DTNB: variants seen among roughly 807,000 people sequenced by gnomAD.
DTNB encodes dystrobrevin beta.
DTNB carries 63 observed loss-of-function variants against 90.7 expected under a neutral mutation model. That is an observed-to-expected ratio of 0.69 (90% CI 0.57 to 0.86). The LOEUF (loss-of-function observed/expected upper bound fraction) is 0.86. Among genes scored for constraint, DTNB ranks in the 40% least tolerant of loss-of-function variants. The pLI is 0.00. For missense variants in DTNB, 744 were observed against 807.1 expected, an observed-to-expected ratio of 0.92 and a Z score of 0.95; for synonymous variants, 277 against 286.7, an observed-to-expected ratio of 0.97 and a Z score of 0.34.
At chr2:25,476,639 T>C (rs1421968046) in intron 10 of DTNB, among the ~76,000 whole-genome samples, 1 of 152,066 alleles carries the variant, frequency 6.6e-6, no homozygotes, top group Non-Finnish European at 1.5e-5. Context: ...GAAGATGTGG[T>C]AGAAAAAAAC....
chr2:25,575,751 T>C (rs1337002885), intron 8 of DTNB, among the ~76,000 whole-genome samples: 1 of 152,218 alleles, frequency 6.6e-6, no homozygotes, highest in African/African-American at 2.4e-5. Flanking sequence ...GATCCTGAAT[T>C]ATACTTCTGA....
At chr2:25,646,009 A>G (rs1162861030) in intron 2 of DTNB, among the ~76,000 whole-genome samples, 1 of 152,180 alleles carries the variant, frequency 6.6e-6, no homozygotes, top group Non-Finnish European at 1.5e-5. Flanking sequence ...ATGGAAATGT[A>G]AACCAAAAAT....
chr2:25,620,842 A>G (rs1434495461), intron 4 of DTNB, among the ~76,000 whole-genome samples: 2 of 152,268 alleles, frequency 1.3e-5, no homozygotes, highest in East Asian at 3.9e-4. Flanking sequence ...GTTCACACTG[A>G]GAAACAGCTC....
intron 9 of DTNB, among the ~76,000 whole-genome samples, chr2:25,502,880 T>TA (rs776792939): frequency 2.3e-3 from 181 of 79,468 alleles, no homozygotes; most frequent in South Asian, 9.3e-3. Context: ...AGCAACTGTC[T>TA]AAAAAAAAAA....
intron 12 of DTNB, among the ~76,000 whole-genome samples, chr2:25,445,938 T>TTTA (rs397757275): frequency 2.6e-5 from 4 of 151,400 alleles, no homozygotes; most frequent in African/African-American, 9.7e-5. Context: ...TTTTTTTTTT[T>TTTA]AATCTCTCTG....
intron 8 of DTNB, among the ~76,000 whole-genome samples, chr2:25,545,909 A>T (rs1203906468): frequency 6.6e-6 from 1 of 152,202 alleles, no homozygotes; most frequent in Non-Finnish European, 1.5e-5. Flanking sequence ...GGCATGAGCC[A>T]CCGTGCCCGG....
At position 25,401,124 on chromosome 2, in the gene DTNB, C is replaced by A. The variant is rs986385111; in HGVS notation, c.1576-12763G>T. Among the ~76,000 whole-genome samples the A allele has an allele frequency of 2.6e-5, 4 of 152,150 alleles. No homozygotes were observed. In the East Asian group the frequency reaches 7.7e-4, roughly 29 times the overall value. On this transcript the variant is annotated intron_variant, in intron 16 of 20. Coordinates refer to ENST00000406818, the MANE Select transcript of DTNB (RefSeq NM_021907.5). Reference sequence around the variant, plus strand: ...CACAAAATCAGTAGACAGGCTAGGACTGGTCCCTGGGTCTGCTAATTGCCT... The same window carrying A: ...CACAAAATCAGTAGACAGGCTAGGAATGGTCCCTGGGTCTGCTAATTGCCT...
At chr2:25,415,702 C>T (rs2047742247) in intron 16 of DTNB, among the ~76,000 whole-genome samples, 1 of 152,098 alleles carries the variant, frequency 6.6e-6, no homozygotes, top group Non-Finnish European at 1.5e-5. Context: ...ATCATGCATA[C>T]ATAATGGAAC....
At chr2:25,400,237 A>G (rs2043384147) in intron 16 of DTNB, among the ~76,000 whole-genome samples, 1 of 152,362 alleles carries the variant, frequency 6.6e-6, no homozygotes, top group Admixed American at 6.5e-5. Context: ...CATGCTGACA[A>G]TCACCTCTGA....
At chr2:25,388,965 G>A (rs1267117830) in intron 16 of DTNB, among the ~76,000 whole-genome samples, 1 of 152,100 alleles carries the variant, frequency 6.6e-6, no homozygotes, top group African/African-American at 2.4e-5. Flanking sequence ...TCCTGCTTCA[G>A]CCTCCCGAGT....
At chr2:25,478,494 T>C (rs142938578) in intron 10 of DTNB, among the ~76,000 whole-genome samples, 1 of 152,232 alleles carries the variant, frequency 6.6e-6, no homozygotes, top group African/African-American at 2.4e-5. Context: ...GTCTCAGTTA[T>C]TTTTCTTTCC....
chr2:25,489,373 G>A (rs2066890061), intron 9 of DTNB, among the ~76,000 whole-genome samples: 1 of 151,872 alleles, frequency 6.6e-6, no homozygotes, highest in South Asian at 2.1e-4. Context: ...TTAAAAAGAT[G>A]AAAACTGAAG....
chr2:25,500,060 AT>A (rs1232718123), intron 9 of DTNB, among the ~76,000 whole-genome samples: 1 of 151,718 alleles, frequency 6.6e-6, no homozygotes, highest in African/African-American at 2.4e-5. Context: ...TATCCAGTTA[AT>A]TTTTTTTATT....
At chr2:25,497,020 C>G (rs1455282984) in intron 9 of DTNB, among the ~76,000 whole-genome samples, 1 of 152,156 alleles carries the variant, frequency 6.6e-6, no homozygotes, top group Non-Finnish European at 1.5e-5. Context: ...TGTAGCAAAG[C>G]CTTCTTCTTT....
chr2:25,638,038 G>C (rs979915548), intron 3 of DTNB, among the ~76,000 whole-genome samples: 1 of 152,190 alleles, frequency 6.6e-6, no homozygotes, highest in East Asian at 1.9e-4. Context: ...CATAAAAAAG[G>C]ATGAGTTCAT....
chr2:25,625,551 ATTTTTTTTTTT>A lies in DTNB; in HGVS notation c.362+2609_362+2619del, dbSNP rs66586812. On this transcript the variant is annotated intron_variant, in intron 4 of 20. Coordinates refer to ENST00000406818, the MANE Select transcript of DTNB (RefSeq NM_021907.5). ...ACCCCTTACTCTTCTTAACTCACTC[ATTTTTTTTTTT>A]TTTTTTTTTTTTTGCTAGTTATTTT... is the stretch of plus-strand genomic sequence containing the variant. Among the ~76,000 whole-genome samples the A allele has an allele frequency of 1.0e-3, 76 of 73,954 alleles. 3 individuals are homozygous for A. The highest frequency in any genetic ancestry group is 2.5e-5 in the Non-Finnish European group (1 of 39,988). The allele number at this position is 73,954 out of a possible 152,430, so 48.5% of individuals were successfully genotyped here.
chr2:25,533,076 C>A (rs77502837), intron 8 of DTNB, among the ~76,000 whole-genome samples: 1,913 of 152,284 alleles, frequency 0.013, 39 homozygotes, highest in African/African-American at 0.042. Context: ...ATAATCCCAG[C>A]ACTTTGGGAG....
chr2:25,476,712 A>G (rs1003399847), intron 10 of DTNB, among the ~76,000 whole-genome samples: 2 of 152,238 alleles, frequency 1.3e-5, no homozygotes, highest in Non-Finnish European at 2.9e-5. Context: ...TCTCATAATA[A>G]AACTTGAAAA....
chr2:25,436,500 C>T (rs997625754), intron 12 of DTNB, among the ~76,000 whole-genome samples: 2 of 152,148 alleles, frequency 1.3e-5, no homozygotes, highest in African/African-American at 4.8e-5. Flanking sequence ...ACCATGAAGA[C>T]CTTGTTTCCT....
Sources: gnomAD v4.1 joint callset for allele counts (sites outside exome capture counted in the v4.1 genomes callset) on GRCh38, gnomAD v4.1.1 for gene constraint, MANE v1.5 for transcripts, NCBI Gene and HGNC (gene_info 2026-07-23, HGNC 2026-07-21) for gene names.